Variants in LCOR observed in about 807,000 individuals in gnomAD.
LCOR encodes the protein ligand dependent nuclear receptor corepressor, also known as ligand-dependent corepressor.
Under a neutral mutation model 64.4 loss-of-function variants are expected in LCOR, and 14 were observed. The ratio of observed to expected loss-of-function variants is 0.22; its 90% CI spans 0.14 to 0.34. The LOEUF (loss-of-function observed/expected upper bound fraction) is 0.34, where lower values mean the gene tolerates loss of function less well. Ranked by LOEUF, LCOR falls within the 10% of genes least tolerant of loss-of-function variation. The pLI, the probability that LCOR is intolerant of heterozygous loss-of-function variation, is 1.00. For synonymous variants in LCOR, 643 were observed against 642.5 expected (o/e 1.00, Z -0.01); for missense variants, 1,686 against 1,765.3 (o/e 0.96, Z 0.80).
intron 5 of LCOR, among the ~76,000 whole-genome samples, chr10:96,948,799 T>TG (rs940881087): frequency 6.6e-5 from 10 of 152,148 alleles, no homozygotes; most frequent in Non-Finnish European, 1.5e-4. Context: ...AATTATTATA[T>TG]GGGGGAAGAT....
intron 7 of LCOR, chr10:96,959,930 C>T (rs1411134535): frequency 1.3e-5 from 2 of 152,112 alleles, no homozygotes; most frequent in South Asian, 2.1e-4. Flanking sequence ...TTTACAATAT[C>T]GAAGTGCTTT....
intron 2 of LCOR, among the ~76,000 whole-genome samples, chr10:96,881,734 G>C (rs1009386760): frequency 6.6e-6 from 1 of 152,148 alleles, no homozygotes; most frequent in Admixed American, 6.5e-5. Context: ...TGGTATTACA[G>C]GCGTGAGCCA....
At chr10:96,944,577 A>G (rs1847554217) in intron 5 of LCOR, among the ~76,000 whole-genome samples, 1 of 151,328 alleles carries the variant, frequency 6.6e-6, no homozygotes, top group Non-Finnish European at 1.5e-5. Context: ...ACCGATAACT[A>G]AATCCAACTG....
rs145764325 is a variant in LCOR at position 96,910,782 on chromosome 10, A to C, written c.-184+3035A>C. On this transcript the variant is annotated intron_variant, in intron 4 of 7. Coordinates refer to ENST00000421806, the MANE Select transcript of LCOR (RefSeq NM_001346516.2). The stretch of plus-strand genomic sequence containing the variant: ...TAATCTAGGTAGTATTTGGAAAAGC[A>C]CTTAGAAATATTGACCTGATATTTG... 3.0e-3 allele frequency among the ~76,000 whole-genome samples: 461 copies of C among 152,334 alleles called. 3 individuals carry two copies. The highest frequency in any genetic ancestry group is 0.011 in the African/African-American group (440 of 41,582).
At chr10:96,926,524 T>G (rs1847170359) in intron 4 of LCOR, among the ~76,000 whole-genome samples, 1 of 152,140 alleles carries the variant, frequency 6.6e-6, no homozygotes, top group Non-Finnish European at 1.5e-5. Context: ...TTCAGTATCT[T>G]TAATACCCTG....
chr10:96,901,960 C>T lies in LCOR; in HGVS notation c.-329-5305C>T, dbSNP rs149417977. On this transcript the variant is annotated intron_variant, in intron 2 of 7. Coordinates refer to ENST00000421806, the MANE Select transcript of LCOR (RefSeq NM_001346516.2). Reference sequence around the variant, plus strand: ...AATTTTTTGTACTTTTTTATAGAGACGGAGTTTTACCATGTTGTCCATACT... The same window carrying T: ...AATTTTTTGTACTTTTTTATAGAGATGGAGTTTTACCATGTTGTCCATACT... 6.2e-3 allele frequency among the ~76,000 whole-genome samples: 946 copies of T among 152,138 alleles called. 5 individuals are homozygous for T. The highest frequency in any genetic ancestry group is 0.017 in the Middle Eastern group (5 of 294).
intron 2 of LCOR, among the ~76,000 whole-genome samples, chr10:96,849,930 G>C (rs1252784378): frequency 7.0e-6 from 1 of 143,858 alleles, no homozygotes; most frequent in Non-Finnish European, 1.5e-5. Context: ...TTGTCAGAAA[G>C]TCCTGCAGAT....
chr10:96,925,705 A>G (rs986284875), intron 4 of LCOR, among the ~76,000 whole-genome samples: 2 of 152,098 alleles, frequency 1.3e-5, no homozygotes, highest in Non-Finnish European at 2.9e-5. Context: ...TTTCCCCTTT[A>G]TAATAAATAA....
At chr10:96,955,000 G>A in intron 7 of LCOR, 1 of 1,614,096 alleles carries the variant, frequency 6.2e-7, no homozygotes, top group Non-Finnish European at 8.5e-7. Flanking sequence ...CTTCGGAGTG[G>A]TGATGGGGTA....
chr10:96,882,723 C>T (rs1846282878), intron 2 of LCOR, among the ~76,000 whole-genome samples: 1 of 152,180 alleles, frequency 6.6e-6, no homozygotes, highest in African/African-American at 2.4e-5. Flanking sequence ...CCTCTGTGCT[C>T]TGCCTGTTTA....
At chr10:96,949,617 A>G (rs374530325) in intron 6 of LCOR, among the ~76,000 whole-genome samples, 8 of 152,204 alleles carry the variant, frequency 5.3e-5, no homozygotes, top group African/African-American at 1.9e-4. Context: ...TAAAACTCCT[A>G]TGAAAAAGTA....
At chr10:96,881,855 G>T (rs1432643640) in intron 2 of LCOR, among the ~76,000 whole-genome samples, 1 of 152,182 alleles carries the variant, frequency 6.6e-6, no homozygotes, top group Non-Finnish European at 1.5e-5. Flanking sequence ...AAAGCCATGT[G>T]ATCTGTCTTC....
chr10:96,845,112 T>C lies in LCOR; in HGVS notation c.-330+11633T>C, dbSNP rs116421928. On this transcript the variant is annotated intron_variant, in intron 2 of 7. Transcript: ENST00000421806. The stretch of plus-strand genomic sequence containing the variant: ...AAGGAGAAGAAGAAATTGGATAAAT[T>C]TAAAAAATGAATAAAAGCTTAAAAA... 3.3e-3 allele frequency among the ~76,000 whole-genome samples: 501 copies of C among 152,122 alleles called. 3 individuals carry two copies. The highest frequency in any genetic ancestry group is 0.012 in the African/African-American group (482 of 41,504).
At chr10:96,870,350 TAAAC>T (rs374642664) in intron 2 of LCOR, among the ~76,000 whole-genome samples, 25 of 152,230 alleles carry the variant, frequency 1.6e-4, no homozygotes, top group African/African-American at 2.6e-4. Context: ...AGGAAAGATT[TAAAC>T]AAACAAACAA....
At chr10:96,856,628 A>G (rs182394242) in intron 2 of LCOR, among the ~76,000 whole-genome samples, 11 of 152,152 alleles carry the variant, frequency 7.2e-5, no homozygotes, top group African/African-American at 1.2e-4. Flanking sequence ...GGCATGTACC[A>G]TCATGCCCAG....
chr10:96,885,129 G>C (rs7080398), intron 2 of LCOR, among the ~76,000 whole-genome samples: 2,624 of 152,178 alleles, frequency 0.017, 65 homozygotes, highest in African/African-American at 0.058. Context: ...GACCTTTTGG[G>C]AAAATGCCAT....
rs181844518 is a variant in LCOR, at chr10:96,865,646, G to A, written c.-330+32167G>A. ...TCCCAGCACTTTGGGAGGCTGAGGT[G>A]GGCGGATCACCTGAGGTCAGGAGTT... On this transcript the variant is annotated intron_variant, in intron 2 of 7. Transcript: ENST00000421806. Among the ~76,000 whole-genome samples the A allele has an allele frequency of 4.1e-3, 625 of 152,204 alleles. 4 individuals are homozygous for A. Among genetic ancestry groups the A allele is most frequent in the African/African-American group, 0.015 (611 of 41,540 alleles).
At chr10:96,871,003 A>G (rs1293536599) in intron 2 of LCOR, among the ~76,000 whole-genome samples, 2 of 152,192 alleles carry the variant, frequency 1.3e-5, no homozygotes, top group Non-Finnish European at 1.5e-5. Flanking sequence ...CTCCCGAAGT[A>G]CAGAACAATG....
chr10:96,873,600 G>A (rs1268924909), intron 2 of LCOR, among the ~76,000 whole-genome samples: 20 of 149,916 alleles, frequency 1.3e-4, no homozygotes, highest in Middle Eastern at 6.8e-3. Context: ...GTGTGTGTGT[G>A]TGTGTGTGTG....
Sources: gnomAD v4.1 joint callset for allele counts (sites outside exome capture counted in the v4.1 genomes callset) on GRCh38, gnomAD v4.1.1 for gene constraint, MANE v1.5 for transcripts, NCBI Gene and HGNC (gene_info 2026-07-23, HGNC 2026-07-21) for gene names.